The following NFIA variants were observed in gnomAD, a reference collection of about 807,000 sequenced individuals.
The protein encoded by NFIA is nuclear factor I A.
NFIA carries 8 observed loss-of-function variants against 62.8 expected under a neutral mutation model. That is an observed-to-expected ratio of 0.13 (90% CI 0.07 to 0.23). NFIA has a LOEUF of 0.23. Ranked by LOEUF, NFIA falls within the 10% of genes least tolerant of loss-of-function variation. NFIA has a pLI of 1.00. For missense variants in NFIA, 410 were observed against 642.1 expected (o/e 0.64, Z 3.91); for synonymous variants, 235 against 238.1 (o/e 0.99, Z 0.12).
At chr1:61,349,750 T>A (rs1026818793) in intron 4 of NFIA, among the ~76,000 whole-genome samples, 1 of 152,058 alleles carries the variant, frequency 6.6e-6, no homozygotes, top group Non-Finnish European at 1.5e-5. Context: ...AATTTAATTT[T>A]TAAAAAAAAT....
chr1:61,139,363 C>T (rs558703123), intron 2 of NFIA, among the ~76,000 whole-genome samples: 110 of 152,246 alleles, frequency 7.2e-4, no homozygotes, highest in African/African-American at 2.5e-3. Context: ...GCTACTGGTC[C>T]GGGCAGGCTT....
chr1:61,404,035 T>C, intron 7 of NFIA, 69 bp from the exon 8 acceptor site: 2 of 1,527,658 alleles, frequency 1.3e-6, no homozygotes, highest in Non-Finnish European at 1.8e-6. Context: ...AAGGAGGAAG[T>C]TGAATCGGGT....
chr1:61,160,750 T>G (rs1649140098), intron 2 of NFIA, among the ~76,000 whole-genome samples: 1 of 152,220 alleles, frequency 6.6e-6, no homozygotes, highest in Non-Finnish European at 1.5e-5. Flanking sequence ...GAAAGTTCTC[T>G]TCCATTTTAG....
At chr1:61,206,814 C>T (rs60651775) in intron 2 of NFIA, among the ~76,000 whole-genome samples, 3,171 of 152,234 alleles carry the variant, frequency 0.021, 108 homozygotes, top group African/African-American at 0.072. Context: ...ATTGCCCTCC[C>T]AAGCCTACCT....
intron 2 of NFIA, among the ~76,000 whole-genome samples, chr1:61,191,650 T>G (rs1651632717): frequency 6.6e-6 from 1 of 152,198 alleles, no homozygotes; most frequent in Non-Finnish European, 1.5e-5. Context: ...CTTTCTGGGT[T>G]CCGATCCCTT....
chr1:61,347,916 G>A (rs1662332190), intron 4 of NFIA, among the ~76,000 whole-genome samples: 3 of 152,046 alleles, frequency 2.0e-5, no homozygotes, highest in African/African-American at 4.8e-5. Context: ...TTTTGTAATC[G>A]AGGACAAGTT....
At chr1:61,293,772 A>G (rs1043166980) in intron 3 of NFIA, among the ~76,000 whole-genome samples, 1 of 152,196 alleles carries the variant, frequency 6.6e-6, no homozygotes, top group Non-Finnish European at 1.5e-5. Flanking sequence ...GGATATTTGC[A>G]TTTGCATTTA....
chr1:61,183,080 G>A (rs899865804), intron 2 of NFIA, among the ~76,000 whole-genome samples: 10 of 152,070 alleles, frequency 6.6e-5, no homozygotes, highest in Non-Finnish European at 1.5e-4. Flanking sequence ...CAGTACTATA[G>A]TACTGGTAAA....
intron 2 of NFIA, among the ~76,000 whole-genome samples, chr1:61,205,477 T>A (rs1652833033): frequency 6.6e-6 from 1 of 152,220 alleles, no homozygotes; most frequent in Non-Finnish European, 1.5e-5. Context: ...CGAGCAAATC[T>A]GGTGCTCCTG....
chr1:61,370,405 C>A (rs898480947), intron 6 of NFIA, among the ~76,000 whole-genome samples: 1 of 152,138 alleles, frequency 6.6e-6, no homozygotes, highest in Non-Finnish European at 1.5e-5. Flanking sequence ...AGGGCTGTCT[C>A]CAGCACTGAT....
At chr1:61,185,898 AATTT>A (rs1263769360) in intron 2 of NFIA, among the ~76,000 whole-genome samples, 5 of 152,122 alleles carry the variant, frequency 3.3e-5, no homozygotes, top group Middle Eastern at 6.8e-3. Context: ...TGCTCTTGTT[AATTT>A]ATTTGATTAC....
chr1:61,374,690 C>A (rs1664062232), intron 6 of NFIA, among the ~76,000 whole-genome samples: 2 of 152,092 alleles, frequency 1.3e-5, no homozygotes, highest in South Asian at 4.1e-4. Flanking sequence ...ACTGATGTCC[C>A]CAAGCCATTT....
chr1:61,344,973 AG>A (rs1662138989), intron 4 of NFIA, among the ~76,000 whole-genome samples: 2 of 152,344 alleles, frequency 1.3e-5, no homozygotes, highest in South Asian at 4.1e-4. Flanking sequence ...GGTCATTAAG[AG>A]GGTTGGCTAC....
intron 9 of NFIA, among the ~76,000 whole-genome samples, chr1:61,412,306 T>C (rs1449408833): frequency 6.6e-6 from 1 of 152,078 alleles, no homozygotes; most frequent in Non-Finnish European, 1.5e-5. Flanking sequence ...TAAGGACCAG[T>C]AAGTACAATG....
At chr1:61,431,222 G>A (rs564164431) in intron 10 of NFIA, among the ~76,000 whole-genome samples, 5 of 152,150 alleles carry the variant, frequency 3.3e-5, no homozygotes, top group East Asian at 1.9e-4. Flanking sequence ...AAGAGGAGGC[G>A]TTTACTTAAA....
chr1:61,428,167 G>A (rs1666949692), intron 10 of NFIA, among the ~76,000 whole-genome samples: 1 of 152,154 alleles, frequency 6.6e-6, no homozygotes, highest in Non-Finnish European at 1.5e-5. Context: ...GTGATTCACA[G>A]CCCTGAAATT....
intron 10 of NFIA, among the ~76,000 whole-genome samples, chr1:61,451,976 T>C (rs2100589495): frequency 6.6e-6 from 1 of 152,348 alleles, no homozygotes; most frequent in South Asian, 2.1e-4. Flanking sequence ...CAGATTTCTT[T>C]TATGTTTTTC....
chr1:61,417,133 T>TAA (rs1168212707), intron 9 of NFIA, among the ~76,000 whole-genome samples: 2 of 151,952 alleles, frequency 1.3e-5, no homozygotes, highest in Non-Finnish European at 2.9e-5. Flanking sequence ...AGATGACAGA[T>TAA]GAGTTTAAGT....
At position 61,372,576 on chromosome 1, in the gene NFIA, T is replaced by TAAA. The variant is rs71244589; in HGVS notation, c.947-10651_947-10649dup. On this transcript the variant is annotated intron_variant, in intron 6 of 10. Transcript: ENST00000403491. ...CTTGTTTCTGATATGTCATTGTTGT[T>TAAA]AAAAAAAAAAAAGCAAACTATTTTG... Among the ~76,000 whole-genome samples the TAAA allele has an allele frequency of 1.4e-4, 20 of 139,890 alleles. No homozygotes were observed. In the East Asian group the frequency reaches 2.0e-3, roughly 14 times the overall value. The allele number at this position is 139,890 out of a possible 152,430, so 91.8% of individuals were successfully genotyped here. A position where few individuals can be genotyped will look rare whatever the true frequency, so the allele number is the denominator to read the frequency against.
Sources: gnomAD v4.1 joint callset for allele counts (sites outside exome capture counted in the v4.1 genomes callset) on GRCh38, gnomAD v4.1.1 for gene constraint, MANE v1.5 for transcripts, NCBI Gene and HGNC (gene_info 2026-07-23, HGNC 2026-07-21) for gene names.